Variants in CADM1 observed in about 807,000 individuals in gnomAD.
The protein encoded by CADM1 is cell adhesion molecule 1.
Under a neutral mutation model 53.1 loss-of-function variants are expected in CADM1, and 15 were observed. The ratio of observed to expected loss-of-function variants is 0.28; its 90% CI spans 0.19 to 0.44. The LOEUF (loss-of-function observed/expected upper bound fraction) is 0.44, where lower values mean the gene tolerates loss of function less well. Ranked by LOEUF, CADM1 falls within the 20% of genes least tolerant of loss-of-function variation. The pLI is 1.00. For synonymous variants in CADM1, 281 were observed against 243.0 expected (o/e 1.16, Z -1.45); for missense variants, 434 against 611.3 (o/e 0.71, Z 3.06).
At chr11:115,212,634 G>C (rs1270012418) in intron 7 of CADM1, among the ~76,000 whole-genome samples, 2 of 152,158 alleles carry the variant, frequency 1.3e-5, no homozygotes, top group African/African-American at 4.8e-5. Flanking sequence ...CATATTGAAG[G>C]GGATTGTTCT....
At chr11:115,244,579 A>G (rs893618916) in intron 1 of CADM1, among the ~76,000 whole-genome samples, 1 of 152,150 alleles carries the variant, frequency 6.6e-6, no homozygotes, top group African/African-American at 2.4e-5. Context: ...AGACAGAGCG[A>G]TTTAAATAAA....
At chr11:115,314,449 A>G (rs1046800228) in intron 1 of CADM1, among the ~76,000 whole-genome samples, 1 of 152,212 alleles carries the variant, frequency 6.6e-6, no homozygotes, top group Non-Finnish European at 1.5e-5. Context: ...ATGCTTCACT[A>G]TAAGTAATAC....
intron 5 of CADM1, among the ~76,000 whole-genome samples, chr11:115,224,895 C>T (rs1392773790): frequency 6.6e-6 from 1 of 152,104 alleles, no homozygotes; most frequent in Non-Finnish European, 1.5e-5. Flanking sequence ...TATAATCAAC[C>T]ATGTTGTAAA....
chr11:115,199,431 T>A (rs1435104543), intron 8 of CADM1, among the ~76,000 whole-genome samples: 3 of 152,328 alleles, frequency 2.0e-5, no homozygotes, highest in South Asian at 2.1e-4. Context: ...CTTCTTCTAT[T>A]TCTGATGCTG....
chr11:115,370,639 C>T (rs1946284651), intron 1 of CADM1, among the ~76,000 whole-genome samples: 1 of 152,156 alleles, frequency 6.6e-6, no homozygotes, highest in African/African-American at 2.4e-5. Context: ...CTTGGAAGTT[C>T]CAGCCTCCAG....
intron 1 of CADM1, among the ~76,000 whole-genome samples, chr11:115,400,025 T>C (rs111698084): frequency 1.5e-3 from 231 of 152,298 alleles, no homozygotes; most frequent in African/African-American, 4.7e-3. Flanking sequence ...CTATATAAAA[T>C]GCTCATTCTT....
At chr11:115,323,663 C>A (rs11215488) in intron 1 of CADM1, among the ~76,000 whole-genome samples, 1 of 151,900 alleles carries the variant, frequency 6.6e-6, no homozygotes, top group African/African-American at 2.4e-5. Flanking sequence ...GTTCACGAAA[C>A]GTTACAAAGG....
At chr11:115,417,692 G>C (rs1323077527) in intron 1 of CADM1, among the ~76,000 whole-genome samples, 1 of 152,092 alleles carries the variant, frequency 6.6e-6, no homozygotes, top group Non-Finnish European at 1.5e-5. Flanking sequence ...GGACAGAGTG[G>C]GATGGCTTGA....
At chr11:115,254,894 A>G (rs1942732485) in intron 1 of CADM1, among the ~76,000 whole-genome samples, 1 of 152,130 alleles carries the variant, frequency 6.6e-6, no homozygotes, top group South Asian at 2.1e-4. Context: ...CCATTAAGTG[A>G]TTTTAATCCA....
At chr11:115,444,974 A>C (rs971787162) in intron 1 of CADM1, among the ~76,000 whole-genome samples, 1 of 152,218 alleles carries the variant, frequency 6.6e-6, no homozygotes, top group Non-Finnish European at 1.5e-5. Context: ...TGTGAAGCAC[A>C]GTAGGGGACT....
In CADM1 at chr11:115,173,993, T is replaced by C. The variant is rs1420758790; in HGVS notation, c.*2481A>G. On this transcript the variant is annotated 3_prime_UTR_variant, in exon 12 of 12. Transcript: ENST00000331581. The stretch of plus-strand genomic sequence containing the variant: ...ACAATACATTTCAAACAGTGCACTG[T>C]ATACTTAAGAAAAAATACATAAACC... 2.1e-6 allele frequency: 2 copies of C among 958,820 alleles called. No homozygotes were observed. Among genetic ancestry groups the C allele is most frequent in the South Asian group, 4.8e-5 (1 of 20,686 alleles). The allele number at this position is 958,820 out of a possible 1,614,324, so 59.4% of individuals were successfully genotyped here.
At chr11:115,218,339 G>A (rs1423590990) in intron 5 of CADM1, among the ~76,000 whole-genome samples, 1 of 152,144 alleles carries the variant, frequency 6.6e-6, no homozygotes, top group Non-Finnish European at 1.5e-5. Context: ...GATATCTGTG[G>A]TGCTCAGAAT....
chr11:115,194,573 A>G (rs11215407), intron 9 of CADM1, among the ~76,000 whole-genome samples: 16,661 of 152,238 alleles, frequency 0.11, 1,262 homozygotes, highest in East Asian at 0.39. Flanking sequence ...GGATATGAAA[A>G]TTCATGAGAT....
At chr11:115,271,345 C>T (rs1943292181) in intron 1 of CADM1, among the ~76,000 whole-genome samples, 1 of 152,050 alleles carries the variant, frequency 6.6e-6, no homozygotes, top group Admixed American at 6.5e-5. Context: ...GGCAGTGGTG[C>T]CATCTCGGCT....
intron 7 of CADM1, among the ~76,000 whole-genome samples, chr11:115,213,676 C>A (rs1408858076): frequency 6.6e-6 from 1 of 152,092 alleles, no homozygotes; most frequent in Non-Finnish European, 1.5e-5. Flanking sequence ...AACATTTATT[C>A]ATATATACTT....
intron 1 of CADM1, among the ~76,000 whole-genome samples, chr11:115,366,028 G>A (rs1359399790): frequency 6.6e-6 from 1 of 152,156 alleles, no homozygotes; most frequent in Non-Finnish European, 1.5e-5. Context: ...AGATTAATCT[G>A]CCCACTGTGT....
chr11:115,482,611 A>G (rs1035575979), intron 1 of CADM1, among the ~76,000 whole-genome samples: 17 of 152,214 alleles, frequency 1.1e-4, no homozygotes, highest in Non-Finnish European at 2.4e-4. Flanking sequence ...CATTGGAAGT[A>G]GAGGTATTTA....
At chr11:115,337,680 T>C (rs1402366901) in intron 1 of CADM1, among the ~76,000 whole-genome samples, 1 of 152,176 alleles carries the variant, frequency 6.6e-6, no homozygotes, top group African/African-American at 2.4e-5. Flanking sequence ...TTGCCCTCTT[T>C]GTATTCCCCA....
intron 1 of CADM1, among the ~76,000 whole-genome samples, chr11:115,324,531 C>CTGTCT (rs1375000486): frequency 6.6e-6 from 1 of 150,432 alleles, no homozygotes; most frequent in Admixed American, 6.6e-5. Flanking sequence ...ACAGCAGAAA[C>CTGTCT]AGACAGAGAC....
Sources: gnomAD v4.1 joint callset for allele counts (sites outside exome capture counted in the v4.1 genomes callset) on GRCh38, gnomAD v4.1.1 for gene constraint, MANE v1.5 for transcripts, NCBI Gene and HGNC (gene_info 2026-07-23, HGNC 2026-07-21) for gene names.